DYSF: variants seen among roughly 807,000 people sequenced by gnomAD.
DYSF encodes dysferlin.
A neutral mutation model predicts 274.9 loss-of-function variants in DYSF; 212 were observed. The ratio of observed to expected loss-of-function variants is 0.77; its 90% confidence interval spans 0.69 to 0.86. The LOEUF is 0.86. Among genes scored for constraint, DYSF ranks in the 40% least tolerant of loss-of-function variants. The probability of loss-of-function intolerance (pLI) is 0.00; values close to 1 mark genes in which losing one functional copy is unlikely to be tolerated. For missense variants in DYSF, 2,666 were observed against 2,783.2 expected (o/e 0.96, Z 0.95); for synonymous variants, 1,091 against 1,078.7 (o/e 1.01, Z -0.22).
At chr2:71,642,061 T>G (rs1382548334) in intron 41 of DYSF, among the ~76,000 whole-genome samples, 4 of 152,248 alleles carry the variant, frequency 2.6e-5, no homozygotes, top group Non-Finnish European at 4.4e-5. Flanking sequence ...TACTTGGTTA[T>G]TCAGGATTGA....
chr2:71,579,331 A>T (rs2152830289), intron 30 of DYSF, among the ~76,000 whole-genome samples: 1 of 152,078 alleles, frequency 6.6e-6, no homozygotes, highest in Middle Eastern at 3.4e-3. Context: ...CCTGGCAGGG[A>T]GGGGAGGGAC....
intron 49 of DYSF, 94 bp downstream of exon 49, chr2:71,668,936 G>C: frequency 1.4e-6 from 2 of 1,415,504 alleles, no homozygotes; most frequent in Admixed American, 1.9e-5. Context: ...CTTTTCTGCC[G>C]GGCTTCAGGC....
chr2:71,642,079 G>T (rs1339492846), intron 41 of DYSF, among the ~76,000 whole-genome samples: 2 of 152,212 alleles, frequency 1.3e-5, no homozygotes, highest in Non-Finnish European at 2.9e-5. Context: ...TGAGGGAAGT[G>T]TGATACCTTC....
intron 24 of DYSF, among the ~76,000 whole-genome samples, chr2:71,565,021 G>A (rs2091997539): frequency 6.6e-6 from 1 of 152,140 alleles, no homozygotes; most frequent in Admixed American, 6.5e-5. Context: ...CCTCCTTGAA[G>A]AGCTGTCAGC....
At chr2:71,541,470 G>T (rs1573856687) in intron 17 of DYSF, among the ~76,000 whole-genome samples, 1 of 151,528 alleles carries the variant, frequency 6.6e-6, no homozygotes, top group East Asian at 1.9e-4. Flanking sequence ...TCTACCTGTG[G>T]TGTTTTACTT....
chr2:71,565,779 T>A (rs1335951371), intron 24 of DYSF, among the ~76,000 whole-genome samples: 1 of 152,190 alleles, frequency 6.6e-6, no homozygotes, highest in Non-Finnish European at 1.5e-5. Context: ...AAAATGAGGG[T>A]GGGTGGGGCT....
chr2:71,558,784 G>C (rs76064198), intron 22 of DYSF, among the ~76,000 whole-genome samples: 2,031 of 152,248 alleles, frequency 0.013, 47 homozygotes, highest in African/African-American at 0.046. Context: ...AGGGGAACTG[G>C]GTTCCCGTCC....
chr2:71,485,078 A>G lies in DYSF; in HGVS notation c.239+3108A>G, dbSNP rs180808150. On this transcript the variant is annotated intron_variant, in intron 3 of 55. Transcript: ENST00000410020. ...CACCAACCTCACCCGTTTACCAGAA[A>G]CACCTTTCTTATAACATTTAAATGT... is the stretch of plus-strand genomic sequence containing the variant. 2.3e-3 allele frequency among the ~76,000 whole-genome samples: 354 copies of G among 152,336 alleles called. 2 individuals carry two copies. The highest frequency in any genetic ancestry group is 3.1e-3 in the Non-Finnish European group (210 of 68,034).
intron 47 of DYSF, among the ~76,000 whole-genome samples, 165 bp from the exon 48 acceptor site, chr2:71,667,209 AGT>A (rs2095030045): frequency 6.6e-6 from 1 of 152,214 alleles, no homozygotes; most frequent in Non-Finnish European, 1.5e-5. Context: ...CCCTATCAAA[AGT>A]GAGACATGAG....
intron 27 of DYSF, 78 bp from the exon 28 acceptor site, chr2:71,570,151 C>T: frequency 3.7e-6 from 5 of 1,357,512 alleles, no homozygotes; most frequent in Non-Finnish European, 4.2e-6. Context: ...CGTATGTTGT[C>T]AAGTTGCATC....
At chr2:71,639,949 G>A (rs2094461709) in intron 41 of DYSF, among the ~76,000 whole-genome samples, 4 of 152,224 alleles carry the variant, frequency 2.6e-5, no homozygotes, top group Admixed American at 2.0e-4. Context: ...TTGCATTTAT[G>A]TGTAGGCACA....
intron 41 of DYSF, among the ~76,000 whole-genome samples, chr2:71,641,503 C>A (rs1276267482): frequency 2.6e-5 from 4 of 152,122 alleles, no homozygotes; most frequent in Non-Finnish European, 5.9e-5. Context: ...GGGGTTTAAT[C>A]ATCAATTATA....
chr2:71,664,470 C>T, intron 46 of DYSF, 32 bp downstream of exon 46: 1 of 1,612,360 alleles, frequency 6.2e-7, no homozygotes, highest in South Asian at 1.1e-5. Flanking sequence ...GCCTGCTTCT[C>T]TGACAACACA....
Position 71,568,024 on chromosome 2 carries a change from T to C in DYSF, c.2639T>C (p.Val880Ala), listed in dbSNP as rs1380973682. Residue 880 changes from valine (V) to alanine (A), a missense_variant, in exon 25 of 56, where the codon GTG (valine) becomes GCG (alanine). Physicochemically the swap from Val to Ala is moderately conservative, Grantham distance 64 (BLOSUM62 0). Coordinates refer to ENST00000410020, the MANE Select transcript of DYSF (RefSeq NM_001130987.2). Reference sequence around the variant, plus strand: ...GTCAAGCTGTGGTTTGGGCTCTCAGTGGATGAGAAGGAGTTCAACCAGTTT... The same window carrying C: ...GTCAAGCTGTGGTTTGGGCTCTCAGCGGATGAGAAGGAGTTCAACCAGTTT... The part of the protein sequence containing the change: ...IRVKLWFGLS[V>A]DEKEFNQFAE... 6.2e-7 allele frequency: 1 copy of C among 1,614,144 alleles called. No individual in the cohort carries two copies. The highest frequency in any genetic ancestry group is 8.5e-7 in the Non-Finnish European group (1 of 1,180,006).
chr2:71,608,431 G>A (rs2093684552), intron 36 of DYSF, among the ~76,000 whole-genome samples: 1 of 152,086 alleles, frequency 6.6e-6, no homozygotes, highest in Admixed American at 6.5e-5. Context: ...GCATGTCCTG[G>A]GACCCCTGGG....
intron 14 of DYSF, among the ~76,000 whole-genome samples, chr2:71,532,848 C>CTATCTATG (rs1243050907): frequency 6.3e-5 from 9 of 143,534 alleles, no homozygotes; most frequent in Non-Finnish European, 1.1e-4. Context: ...ATCTATCTAT[C>CTATCTATG]TATCTATCTA....
chr2:71,540,897 G>A (rs1032833699), intron 17 of DYSF, among the ~76,000 whole-genome samples: 1 of 151,998 alleles, frequency 6.6e-6, no homozygotes, highest in Non-Finnish European at 1.5e-5. Context: ...AAATTTTTAT[G>A]TAGCCAAATC....
At chr2:71,653,824 TAAA>T (rs1280729786) in intron 42 of DYSF, among the ~76,000 whole-genome samples, 1 of 150,866 alleles carries the variant, frequency 6.6e-6, no homozygotes, top group South Asian at 2.1e-4. Flanking sequence ...AAAATAAAAT[TAAA>T]AAATAATAAT....
Position 71,570,001 on chromosome 2 carries a change from G to A in DYSF, c.2979+67G>A. 4 of 1,383,670 alleles carry A rather than the reference G, an allele frequency of 2.9e-6. No homozygotes were observed. The South Asian group carries it at 3.5e-5, about 12-fold the overall frequency. 85.7% of individuals were successfully genotyped at this position (1,383,670 alleles called of 1,614,324 possible). On this transcript the variant is annotated intron_variant, in intron 27 of 55. Transcript: ENST00000410020. ...GTCTCTGGAGGCACCTGGTGCTCAG[G>A]GACAGGTGGGGCATGTTTCTCTTTG...
Sources: allele counts gnomAD v4.1 joint callset (sites outside exome capture counted in the v4.1 genomes callset), GRCh38; gene constraint gnomAD v4.1.1; transcripts MANE v1.5; gene names NCBI Gene and HGNC (gene_info 2026-07-23, HGNC 2026-07-21).